Variants in CAST observed in about 807,000 individuals in gnomAD.
The protein encoded by CAST is calpastatin, also known as MIR583 host.
CAST carries 76 observed loss-of-function variants against 119.6 expected under a neutral mutation model. That is an observed-to-expected ratio of 0.64 (90% CI 0.53 to 0.77). The LOEUF (loss-of-function observed/expected upper bound fraction) is 0.77. Ranked by LOEUF, CAST falls within the 30% of genes least tolerant of loss-of-function variation. The pLI, the probability that CAST is intolerant of heterozygous loss-of-function variation, is 0.00. For missense variants in CAST, 953 were observed against 946.5 expected (o/e 1.01, Z -0.09); for synonymous variants, 319 against 331.6 (o/e 0.96, Z 0.41).
At chr5:96,138,961 C>G in the CAST span, among the ~76,000 whole-genome samples, 6 of 151,866 alleles carry the variant, frequency 4.0e-5, no homozygotes, top group African/African-American at 1.4e-4. Context: ...TGGTACAATG[C>G]TTAAAGGAGT....
the CAST span, among the ~76,000 whole-genome samples, chr5:95,976,438 T>C: frequency 1.5e-4 from 23 of 152,170 alleles, no homozygotes; most frequent in Middle Eastern, 3.4e-3. Flanking sequence ...AAACCAGAGG[T>C]TATTCCTGAT....
At chr5:96,246,121 A>G in the CAST span, among the ~76,000 whole-genome samples, 1 of 151,796 alleles carries the variant, frequency 6.6e-6, no homozygotes, top group Non-Finnish European at 1.5e-5. Context: ...CACAGACTCC[A>G]GCATCCCAAC....
At chr5:96,381,452 A>T in the CAST span, among the ~76,000 whole-genome samples, 1 of 152,220 alleles carries the variant, frequency 6.6e-6, no homozygotes, top group Non-Finnish European at 1.5e-5. Flanking sequence ...TTATTCTTGG[A>T]TAATTTTGCA....
intron 16 of CAST, among the ~76,000 whole-genome samples, chr5:96,744,780 C>A (rs72773905): frequency 0.092 from 14,075 of 152,180 alleles, 849 homozygotes; most frequent in Middle Eastern, 0.14. Context: ...CCCCAGCATA[C>A]CCCAGAATAG....
At chr5:96,133,470 C>T in the CAST span, among the ~76,000 whole-genome samples, 1 of 152,104 alleles carries the variant, frequency 6.6e-6, no homozygotes, top group Non-Finnish European at 1.5e-5. Context: ...CACTGTGACA[C>T]CCTGAGGTTT....
At chr5:95,997,110 G>T in the CAST span, among the ~76,000 whole-genome samples, 2 of 152,138 alleles carry the variant, frequency 1.3e-5, no homozygotes, top group East Asian at 1.9e-4. Flanking sequence ...TTCTCTAAGG[G>T]TCAAACTTTT....
chr5:96,386,132 A>G, the CAST span, among the ~76,000 whole-genome samples: 9 of 152,322 alleles, frequency 5.9e-5, no homozygotes, highest in South Asian at 1.9e-3. Flanking sequence ...GTTAAGAAAG[A>G]ATCTGTTTTG....
At chr5:96,554,310 T>A (rs150249437) in intron 1 of CAST, among the ~76,000 whole-genome samples, 55 of 152,308 alleles carry the variant, frequency 3.6e-4, no homozygotes, top group African/African-American at 1.3e-3. Context: ...GGGGAAAAGA[T>A]TCCCTATTTA....
At chr5:96,397,471 T>C in the CAST span, 1 of 1,612,148 alleles carries the variant, frequency 6.2e-7, no homozygotes, top group Non-Finnish European at 8.5e-7. Flanking sequence ...TGCTAGTTCC[T>C]ATGAAACAAA....
the CAST span, among the ~76,000 whole-genome samples, chr5:96,507,614 T>C: frequency 1.3e-5 from 2 of 152,188 alleles, no homozygotes; most frequent in Non-Finnish European, 2.9e-5. Flanking sequence ...TACTTCTGAC[T>C]TTAGGGAGAA....
the CAST span, among the ~76,000 whole-genome samples, chr5:96,072,642 G>A: frequency 6.6e-6 from 1 of 152,180 alleles, no homozygotes; most frequent in Admixed American, 6.5e-5. Flanking sequence ...GCATAGCTGT[G>A]TACTTTCTGG....
At chr5:96,615,483 C>T (rs1747434374) in intron 1 of CAST, among the ~76,000 whole-genome samples, 1 of 152,198 alleles carries the variant, frequency 6.6e-6, no homozygotes, top group African/African-American at 2.4e-5. Flanking sequence ...TATCAGATTG[C>T]TTTGCTAATG....
the CAST span, among the ~76,000 whole-genome samples, chr5:96,112,228 C>T: frequency 6.6e-6 from 1 of 151,764 alleles, no homozygotes; most frequent in African/African-American, 2.4e-5. Flanking sequence ...CTGGGGAAAG[C>T]CAGTGGGAAT....
chr5:95,996,871 A>G, the CAST span, among the ~76,000 whole-genome samples: 1 of 152,018 alleles, frequency 6.6e-6, no homozygotes, highest in Non-Finnish European at 1.5e-5. Flanking sequence ...CACATTTTTC[A>G]TCCTTATTTC....
chr5:96,614,229 A>G (rs1561430642), intron 1 of CAST, among the ~76,000 whole-genome samples: 1 of 152,180 alleles, frequency 6.6e-6, no homozygotes, highest in African/African-American at 2.4e-5. Flanking sequence ...TTTGTCTCAA[A>G]TGATTCCATT....
chr5:96,291,365 C>CT, the CAST span, among the ~76,000 whole-genome samples: 1 of 152,192 alleles, frequency 6.6e-6, no homozygotes, highest in Non-Finnish European at 1.5e-5. Flanking sequence ...TAACCCCCTG[C>CT]TTTTTACTTC....
At chr5:96,039,328 G>T in the CAST span, among the ~76,000 whole-genome samples, 1 of 152,098 alleles carries the variant, frequency 6.6e-6, no homozygotes, top group East Asian at 1.9e-4. Flanking sequence ...TAGGTTGTCC[G>T]TTCATGCTGA....
At chr5:95,969,276 G>A in the CAST span, among the ~76,000 whole-genome samples, 1 of 152,126 alleles carries the variant, frequency 6.6e-6, no homozygotes, top group African/African-American at 2.4e-5. Context: ...GGAGGCTTCC[G>A]AACAGGAAGT....
At chr5:96,763,385 A>C (rs1265235226) in intron 25 of CAST, among the ~76,000 whole-genome samples, 1 of 152,190 alleles carries the variant, frequency 6.6e-6, no homozygotes, top group Non-Finnish European at 1.5e-5. Context: ...TGTGTATGTA[A>C]ACACACCCAC....
Sources: allele counts gnomAD v4.1 joint callset (sites outside exome capture counted in the v4.1 genomes callset), GRCh38; gene constraint gnomAD v4.1.1; transcripts MANE v1.5; gene names NCBI Gene and HGNC (gene_info 2026-07-23, HGNC 2026-07-21).